Variants in ATP13A4 observed in about 807,000 individuals in gnomAD.
ATP13A4 encodes ATPase 13A4, also known as probable cation-transporting ATPase 13A4.
Under a neutral mutation model 142.5 loss-of-function variants are expected in ATP13A4, and 114 were observed. The observed-to-expected ratio is 0.80, with a 90% confidence interval of 0.69 to 0.93. ATP13A4 has a LOEUF of 0.93. Among genes scored for constraint, ATP13A4 ranks in the 40% least tolerant of loss-of-function variants. The pLI, the probability that ATP13A4 is intolerant of heterozygous loss-of-function variation, is 0.00. For missense variants in ATP13A4, 1,392 were observed against 1,454.0 expected (o/e 0.96, Z 0.69); for synonymous variants, 488 against 514.8 (o/e 0.95, Z 0.70).
intron 1 of ATP13A4, among the ~76,000 whole-genome samples, chr3:193,592,710 G>A (rs1724865115): frequency 6.6e-6 from 1 of 152,198 alleles, no homozygotes; most frequent in African/African-American, 2.4e-5. Flanking sequence ...GATCCTCAGA[G>A]ATTCTAAGGG....
At chr3:193,454,706 C>G (rs927306286) in intron 16 of ATP13A4, among the ~76,000 whole-genome samples, 1 of 152,126 alleles carries the variant, frequency 6.6e-6, no homozygotes, top group African/African-American at 2.4e-5. Context: ...ACACCATATA[C>G]AAAAACTAAC....
intron 1 of ATP13A4, among the ~76,000 whole-genome samples, chr3:193,526,171 T>G (rs1721991419): frequency 6.6e-6 from 1 of 152,102 alleles, no homozygotes; most frequent in Non-Finnish European, 1.5e-5. Context: ...TAGTCAAATA[T>G]TTGCTATTGT....
intron 1 of ATP13A4, among the ~76,000 whole-genome samples, chr3:193,552,123 G>A (rs373283749): frequency 7.2e-5 from 11 of 152,090 alleles, no homozygotes; most frequent in African/African-American, 1.9e-4. Flanking sequence ...ACAGGTGCAC[G>A]CCACCCTGCC....
chr3:193,502,963 C>T (rs1349185633), intron 2 of ATP13A4, among the ~76,000 whole-genome samples: 5 of 152,138 alleles, frequency 3.3e-5, no homozygotes, highest in Non-Finnish European at 4.4e-5. Context: ...ATGACCATCC[C>T]CATCTTTCAA....
intron 25 of ATP13A4, among the ~76,000 whole-genome samples, chr3:193,427,880 G>C (rs1331035609): frequency 6.6e-6 from 1 of 152,124 alleles, no homozygotes; most frequent in Non-Finnish European, 1.5e-5. Flanking sequence ...ATAGGCATGG[G>C]CAAGGACTTC....
In ATP13A4 at chr3:193,466,197, A is replaced by G; in HGVS notation, c.1115-15T>C. On this transcript the variant is annotated splice_polypyrimidine_tract_variant and intron_variant, in intron 10 of 29. Coordinates refer to ENST00000342695, the MANE Select transcript of ATP13A4 (RefSeq NM_032279.4). ...AGTGTTGAATCCTGGAACAACAAAC[A>G]CACACCCCACACTCTCAGGAGACCA... 1.2e-6 allele frequency: 2 copies of G among 1,613,462 alleles called. No homozygotes were observed. Among genetic ancestry groups the G allele is most frequent in the Non-Finnish European group, 1.7e-6 (2 of 1,179,748 alleles).
intron 8 of ATP13A4, among the ~76,000 whole-genome samples, chr3:193,477,406 C>T (rs1316737133): frequency 6.6e-6 from 1 of 151,914 alleles, no homozygotes; most frequent in Non-Finnish European, 1.5e-5. Flanking sequence ...GGATTTATTA[C>T]AGTATTCTCT....
intron 2 of ATP13A4, among the ~76,000 whole-genome samples, chr3:193,560,033 T>C (rs911286007): frequency 1.6e-4 from 25 of 152,196 alleles, no homozygotes; most frequent in Admixed American, 4.6e-4. Context: ...GTGCTATTAT[T>C]AACAATCAGA....
chr3:193,456,130 T>G (rs1054209792), intron 16 of ATP13A4, among the ~76,000 whole-genome samples: 3 of 152,130 alleles, frequency 2.0e-5, no homozygotes, highest in Non-Finnish European at 4.4e-5. Flanking sequence ...GACACAAGTT[T>G]ACCTATGTAA....
intron 25 of ATP13A4, among the ~76,000 whole-genome samples, chr3:193,421,670 AG>A (rs1715407451): frequency 6.7e-6 from 1 of 149,910 alleles, no homozygotes. Context: ...AATTGGGGGA[AG>A]GATGAAAGTC....
At chr3:193,519,453 A>G (rs1282408495) in intron 1 of ATP13A4, among the ~76,000 whole-genome samples, 1 of 151,972 alleles carries the variant, frequency 6.6e-6, no homozygotes, top group Non-Finnish European at 1.5e-5. Context: ...GAATTCACCC[A>G]GCCCTTTCCT....
At chr3:193,589,342 A>G (rs918066377) in intron 1 of ATP13A4, among the ~76,000 whole-genome samples, 2 of 152,156 alleles carry the variant, frequency 1.3e-5, no homozygotes, top group Admixed American at 1.3e-4. Context: ...GCAAACATGT[A>G]TGACTTCAGC....
At position 193,439,028 on chromosome 3, in the gene ATP13A4, A is replaced by G. The variant is rs758861687; in HGVS notation, c.2557T>C (p.Cys853Arg). 1 of 1,609,866 alleles carries G rather than the reference A, an allele frequency of 6.2e-7. No individual in the cohort carries two copies. The highest frequency in any genetic ancestry group is 8.5e-7 in the Non-Finnish European group (1 of 1,176,132). Residue 853 changes from cysteine (C) to arginine (R), a missense_variant, in exon 22 of 30, where the codon TGT becomes CGT. Physicochemically the swap from Cys to Arg is radical, Grantham distance 180. Coordinates refer to ENST00000342695, the MANE Select transcript of ATP13A4 (RefSeq NM_032279.4). ...ACAAACTGGTAGCTACTTACCCCACAGTCATTGGCTCCATCACCACACATA... is the reference window on the plus strand; with the variant it reads ...ACAAACTGGTAGCTACTTACCCCACGGTCATTGGCTCCATCACCACACATA... ...VGMCGDGANDCGALKMAHVGI... is the reference protein window; with the variant it reads ...VGMCGDGANDRGALKMAHVGI...
chr3:193,457,388 T>G lies in ATP13A4; in HGVS notation c.1752A>C (p.Thr584=). The change falls in exon 15 of 30, where the codon ACA becomes ACC. Residue 584 remains threonine, a synonymous_variant. Transcript: ENST00000342695. ...AGCAAGCAGGGCTTACCTGGCTGGC[T>G]GTTCTGCAGGGCTTAACTACCATGG... The part of the protein sequence containing the change: ...AHAMVVKPCR[T]ASQVPVEGIA... 1 of 1,614,242 alleles carries G rather than the reference T, an allele frequency of 6.2e-7. No individual in the cohort carries two copies. The highest frequency in any genetic ancestry group is 1.1e-5 in the South Asian group (1 of 91,092).
chr3:193,485,486 T>G (rs1262188689), intron 7 of ATP13A4, among the ~76,000 whole-genome samples: 1 of 152,154 alleles, frequency 6.6e-6, no homozygotes, highest in Non-Finnish European at 1.5e-5. Flanking sequence ...AAGTGTACAG[T>G]GGAGACGTCC....
chr3:193,447,168 A>T (rs1321507614), intron 18 of ATP13A4, among the ~76,000 whole-genome samples: 1 of 152,200 alleles, frequency 6.6e-6, no homozygotes, highest in Non-Finnish European at 1.5e-5. Flanking sequence ...TTAAGGATAG[A>T]TTATGAGAAT....
At chr3:193,573,998 A>G (rs1394207050) in intron 2 of ATP13A4, among the ~76,000 whole-genome samples, 4 of 152,182 alleles carry the variant, frequency 2.6e-5, no homozygotes, top group Admixed American at 6.6e-5. Flanking sequence ...GGGAGGGAGG[A>G]GAGTAAACAG....
At chr3:193,423,420 A>C (rs1242752723) in intron 25 of ATP13A4, among the ~76,000 whole-genome samples, 2 of 149,610 alleles carry the variant, frequency 1.3e-5, no homozygotes, top group Non-Finnish European at 3.0e-5. Context: ...GTAAATATAG[A>C]TGTAAAAAAA....
intron 1 of ATP13A4, among the ~76,000 whole-genome samples, chr3:193,528,634 C>T (rs1469038188): frequency 6.6e-6 from 1 of 152,168 alleles, no homozygotes; most frequent in Non-Finnish European, 1.5e-5. Context: ...AAATTCGAGA[C>T]ATTAAATGCT....
Sources: allele counts gnomAD v4.1 joint callset (sites outside exome capture counted in the v4.1 genomes callset), GRCh38; gene constraint gnomAD v4.1.1; transcripts MANE v1.5; gene names NCBI Gene and HGNC (gene_info 2026-07-23, HGNC 2026-07-21).